The following CHLSN variants were observed in gnomAD, a reference collection of about 807,000 sequenced individuals.
The protein encoded by CHLSN is cholesin, also known as protein cholesin.
chr7:1,117,830 C>G, the CHLSN span, among the ~76,000 whole-genome samples: 1 of 152,242 alleles, frequency 6.6e-6, no homozygotes, highest in Admixed American at 6.5e-5. Context: ...ATCACCCACA[C>G]GCCTTTTTCA....
chr7:1,056,624 T>G, the CHLSN span: 1 of 152,596 alleles, frequency 6.6e-6, no homozygotes, highest in Admixed American at 6.5e-5. Flanking sequence ...GCTGTGGCCC[T>G]GTGTGTGGTG....
At chr7:1,115,368 C>G in the CHLSN span, among the ~76,000 whole-genome samples, 1 of 152,254 alleles carries the variant, frequency 6.6e-6, no homozygotes, top group Non-Finnish European at 1.5e-5. Flanking sequence ...TCGCCCTCAC[C>G]GGGCGCCAGG....
At chr7:982,269 C>T in the CHLSN span, among the ~76,000 whole-genome samples, 29 of 152,334 alleles carry the variant, frequency 1.9e-4, 1 homozygote, top group South Asian at 4.3e-3. Context: ...TCAAGGGGGA[C>T]CAACCCGGGA....
the CHLSN span, among the ~76,000 whole-genome samples, chr7:1,083,798 G>A: frequency 1.3e-5 from 2 of 152,166 alleles, no homozygotes; most frequent in Admixed American, 6.5e-5. Flanking sequence ...CGGCGGCACC[G>A]ACGCGCCCAC....
At chr7:1,090,446 C>T in the CHLSN span, among the ~76,000 whole-genome samples, 1 of 151,808 alleles carries the variant, frequency 6.6e-6, no homozygotes, top group East Asian at 1.9e-4. Context: ...CAGGACCTCC[C>T]CACTCGCAGC....
At chr7:1,092,208 C>T in the CHLSN span, 1 of 1,613,104 alleles carries the variant, frequency 6.2e-7, no homozygotes, top group Non-Finnish European at 8.5e-7. Context: ...TCGCCCTGGC[C>T]AGGGCCATGC....
chr7:1,114,247 C>T, the CHLSN span, among the ~76,000 whole-genome samples: 1 of 152,242 alleles, frequency 6.6e-6, no homozygotes, highest in East Asian at 1.9e-4. Flanking sequence ...GGGCCTCTTC[C>T]ACGTGGTAGG....
At chr7:1,022,248 C>T in the CHLSN span, among the ~76,000 whole-genome samples, 1,229 of 152,300 alleles carry the variant, frequency 8.1e-3, 13 homozygotes, top group African/African-American at 0.029. Context: ...CATGTCCCCA[C>T]CCACGGGCGC....
the CHLSN span, among the ~76,000 whole-genome samples, chr7:1,008,926 CG>C: frequency 1.3e-5 from 2 of 149,048 alleles, no homozygotes; most frequent in East Asian, 2.0e-4. Flanking sequence ...TATACACATG[CG>C]CATACATGCA....
chr7:993,365 G>C, the CHLSN span, among the ~76,000 whole-genome samples: 1 of 152,118 alleles, frequency 6.6e-6, no homozygotes, highest in Non-Finnish European at 1.5e-5. Flanking sequence ...TCTGTGCAGG[G>C]ACAGGCAGGG....
chr7:997,905 C>G, the CHLSN span: 2 of 1,131,778 alleles, frequency 1.8e-6, no homozygotes, highest in Non-Finnish European at 2.6e-6. Flanking sequence ...GGGCCTCAGG[C>G]TTCCGTCCTC....
the CHLSN span, among the ~76,000 whole-genome samples, chr7:1,130,393 G>A: frequency 5.3e-5 from 8 of 152,210 alleles, no homozygotes; most frequent in South Asian, 2.1e-4. Context: ...GGGTGGCAGC[G>A]GGCAGGGACA....
chr7:1,094,961 A>C, the CHLSN span, among the ~76,000 whole-genome samples: 2 of 152,186 alleles, frequency 1.3e-5, no homozygotes, highest in African/African-American at 4.8e-5. Flanking sequence ...GCCTGGGAAC[A>C]GGGCGGCTCC....
chr7:1,030,141 A>G, the CHLSN span, among the ~76,000 whole-genome samples: 1 of 152,174 alleles, frequency 6.6e-6, no homozygotes, highest in Non-Finnish European at 1.5e-5. Context: ...CCCAGCATGA[A>G]TGCGCCAGCC....
chr7:1,097,810 C>T, the CHLSN span, among the ~76,000 whole-genome samples: 3 of 152,146 alleles, frequency 2.0e-5, no homozygotes, highest in African/African-American at 4.8e-5. This position sits in a 1 kb window ranked among gnomAD's most constrained non-coding sequence, Gnocchi z 4.3. Context: ...GGGTGCGTCT[C>T]GTGCTGTCAT....
the CHLSN span, among the ~76,000 whole-genome samples, chr7:1,016,474 A>T: frequency 8.1e-6 from 1 of 122,786 alleles, no homozygotes; most frequent in East Asian, 2.6e-4. Flanking sequence ...AGCACATAGC[A>T]GCACAGCAGC....
chr7:1,066,040 G>A, the CHLSN span, among the ~76,000 whole-genome samples: 13 of 152,214 alleles, frequency 8.5e-5, no homozygotes, highest in Non-Finnish European at 1.3e-4. Flanking sequence ...CTGCGCGGCC[G>A]GCACGGATGC....
At chr7:1,014,788 G>T in the CHLSN span, among the ~76,000 whole-genome samples, 7 of 152,196 alleles carry the variant, frequency 4.6e-5, no homozygotes, top group Non-Finnish European at 8.8e-5. Context: ...CACATTGGCC[G>T]CCGGCCACGG....
chr7:1,083,647 CAAA>C, the CHLSN span, among the ~76,000 whole-genome samples: 1 of 148,816 alleles, frequency 6.7e-6, no homozygotes, highest in African/African-American at 2.5e-5. Flanking sequence ...ACAAAAAAAA[CAAA>C]AAAAAACACG....
Sources: allele counts gnomAD v4.1 joint callset (sites outside exome capture counted in the v4.1 genomes callset), GRCh38; gene constraint gnomAD v4.1.1; non-coding constraint Gnocchi (gnomAD v3.1); transcripts MANE v1.5; gene names NCBI Gene and HGNC (gene_info 2026-07-23, HGNC 2026-07-21).